The following PTPRN2 variants were observed in gnomAD, a reference collection of about 807,000 sequenced individuals.
The protein encoded by PTPRN2 is protein tyrosine phosphatase receptor type N2, also known as receptor-type tyrosine-protein phosphatase N2.
In PTPRN2, 74 loss-of-function variants were observed where a neutral mutation model predicts 118.8. The ratio of observed to expected loss-of-function variants is 0.62; its 90% CI spans 0.52 to 0.76. The LOEUF (loss-of-function observed/expected upper bound fraction) is 0.76, where lower values mean the gene tolerates loss of function less well. Ranked by LOEUF, PTPRN2 falls within the 30% of genes least tolerant of loss-of-function variation. The pLI, the probability that PTPRN2 is intolerant of heterozygous loss-of-function variation, is 0.00. For synonymous variants in PTPRN2, 641 were observed against 608.0 expected (o/e 1.05, Z -0.80); for missense variants, 1,481 against 1,394.4 (o/e 1.06, Z -0.99).
Position 157,990,015 on chromosome 7 carries a change from AG to A in PTPRN2, c.1724-91279del, listed in dbSNP as rs1441505837. On this transcript the variant is annotated intron_variant, in intron 11 of 22. Transcript: ENST00000389418. The surrounding 1 kb of genome is among the most constrained non-coding windows in gnomAD (Gnocchi z 4.3). Reference sequence around the variant, plus strand: ...TTCGTGTCCCTTCTTTGACAGTAAAAGTTGTTTTCTTGGAAATAAATCAAAT... The same window carrying A: ...TTCGTGTCCCTTCTTTGACAGTAAAATTGTTTTCTTGGAAATAAATCAAAT... 8.5e-5 allele frequency among the ~76,000 whole-genome samples: 13 copies of A among 152,232 alleles called. No individual in the cohort carries two copies. In the East Asian group the frequency reaches 2.3e-3, roughly 27 times the overall value.
intron 12 of PTPRN2, among the ~76,000 whole-genome samples, chr7:157,832,320 C>A (rs1305656906): frequency 6.6e-6 from 1 of 152,216 alleles, no homozygotes; most frequent in East Asian, 1.9e-4. Context: ...TGCGCTCACA[C>A]ATTGCCAAGT....
chr7:158,251,440 G>C (rs989665621), intron 3 of PTPRN2, among the ~76,000 whole-genome samples: 1 of 152,064 alleles, frequency 6.6e-6, no homozygotes, highest in African/African-American at 2.4e-5. Context: ...GATGTATATG[G>C]TGCATGTGGG....
chr7:157,545,177 G>A (rs562973170), intron 22 of PTPRN2, among the ~76,000 whole-genome samples: 1 of 144,444 alleles, frequency 6.9e-6, no homozygotes, highest in Non-Finnish European at 1.5e-5. Flanking sequence ...TGGCTGAGTG[G>A]TGTTTGTGGG....
At chr7:158,132,473 G>A (rs371187685) in intron 9 of PTPRN2, among the ~76,000 whole-genome samples, 11 of 145,058 alleles carry the variant, frequency 7.6e-5, no homozygotes, top group Non-Finnish European at 1.4e-4. Flanking sequence ...ACACACACTC[G>A]TATACACACA....
chr7:158,197,000 C>T (rs925590454), intron 4 of PTPRN2, among the ~76,000 whole-genome samples: 4 of 152,094 alleles, frequency 2.6e-5, no homozygotes, highest in Non-Finnish European at 5.9e-5. Flanking sequence ...CAAGGAGCAC[C>T]TGTATACGTA....
intron 11 of PTPRN2, among the ~76,000 whole-genome samples, chr7:157,993,356 T>G (rs1585158921): frequency 6.6e-6 from 1 of 150,460 alleles, no homozygotes; most frequent in South Asian, 2.1e-4. Context: ...TAAGCAGCCC[T>G]GAGCCTCCGC....
At chr7:158,331,494 ATAC>A (rs1462869462) in intron 2 of PTPRN2, among the ~76,000 whole-genome samples, 6 of 148,036 alleles carry the variant, frequency 4.1e-5, no homozygotes, top group African/African-American at 1.0e-4. Flanking sequence ...CACTCTCACC[ATAC>A]GAGCTGTCAC....
chr7:158,534,878 G>C (rs1267699136), intron 1 of PTPRN2, among the ~76,000 whole-genome samples: 3 of 152,192 alleles, frequency 2.0e-5, no homozygotes, highest in Non-Finnish European at 4.4e-5. Flanking sequence ...GGGAGGGCGG[G>C]GTGGGAAACG....
chr7:158,262,722 GCA>G (rs1207873180), intron 3 of PTPRN2, among the ~76,000 whole-genome samples: 10 of 127,602 alleles, frequency 7.8e-5, no homozygotes, highest in South Asian at 5.5e-4. Context: ...CACACATTGC[GCA>G]CACATACATT....
intron 3 of PTPRN2, among the ~76,000 whole-genome samples, chr7:158,269,154 G>A (rs1022389695): frequency 6.6e-6 from 1 of 152,148 alleles, no homozygotes; most frequent in Non-Finnish European, 1.5e-5. Flanking sequence ...CTGTTGGAGT[G>A]GCCTTCAGGG....
At position 158,089,999 on chromosome 7, in the gene PTPRN2, C is replaced by T. The variant is rs375189203; in HGVS notation, c.1644-8622G>A. Among the ~76,000 whole-genome samples the T allele has an allele frequency of 4.7e-3, 136 of 29,084 alleles. 15 individuals are homozygous for T. Among genetic ancestry groups the T allele is most frequent in the African/African-American group, 9.6e-3 (129 of 13,456 alleles). The allele number at this position is 29,084 out of a possible 152,430, so 19.1% of individuals were successfully genotyped here. A position where few individuals can be genotyped will look rare whatever the true frequency, so the allele number is the denominator to read the frequency against. On this transcript the variant is annotated intron_variant, in intron 10 of 22. Transcript: ENST00000389418. The stretch of plus-strand genomic sequence containing the variant: ...TTCACACAAACCCTTCCTCCCCTGA[C>T]GAAAGAGGGAGTCTTCACACAAACC...
At chr7:157,879,385 A>G (rs1278556280) in intron 12 of PTPRN2, among the ~76,000 whole-genome samples, 8 of 152,036 alleles carry the variant, frequency 5.3e-5, no homozygotes, top group Non-Finnish European at 7.4e-5. Context: ...GCATGTGCAC[A>G]CACACACACT....
intron 12 of PTPRN2, among the ~76,000 whole-genome samples, chr7:157,765,999 ACCATCCATCCTTCCTTCATCCAC>A (rs1328610465): frequency 7.3e-6 from 1 of 136,550 alleles, no homozygotes; most frequent in African/African-American, 2.8e-5. Context: ...CATCCATCCA[ACCATCCATCCTTCCTTCATCCAC>A]CCATCCATCC....
chr7:158,570,077 C>T lies in PTPRN2; in HGVS notation c.112+17481G>A, dbSNP rs1320848439. ...GCGTCCTCCACCCGTTTCCCCCAGGCAGGGGGAAGCCCCGAGAAGCCGCCG... is the reference window on the plus strand; with the variant it reads ...GCGTCCTCCACCCGTTTCCCCCAGGTAGGGGGAAGCCCCGAGAAGCCGCCG... On this transcript the variant is annotated intron_variant, in intron 1 of 22. Transcript: ENST00000389418. The surrounding 1 kb of genome is among the most constrained non-coding windows in gnomAD (Gnocchi z 4.5). Among the ~76,000 whole-genome samples, 1 of 152,178 alleles carries T rather than the reference C, an allele frequency of 6.6e-6. No individual in the cohort carries two copies.
chr7:158,043,522 C>T (rs756400169), intron 11 of PTPRN2, among the ~76,000 whole-genome samples: 2 of 152,120 alleles, frequency 1.3e-5, no homozygotes, highest in Non-Finnish European at 2.9e-5. Context: ...AACAAAAATA[C>T]TCACCAACAA....
intron 6 of PTPRN2, among the ~76,000 whole-genome samples, chr7:158,164,222 C>T (rs898705281): frequency 1.1e-4 from 17 of 152,060 alleles, no homozygotes; most frequent in Non-Finnish European, 2.5e-4. Flanking sequence ...AACAGGAGCG[C>T]GCAGGAAGGG....
intron 2 of PTPRN2, among the ~76,000 whole-genome samples, chr7:158,354,400 G>A (rs1025107917): frequency 6.6e-6 from 1 of 152,168 alleles, no homozygotes; most frequent in East Asian, 1.9e-4. Context: ...GTGGCGATTT[G>A]TGAGCTCTCA....
intron 2 of PTPRN2, among the ~76,000 whole-genome samples, chr7:158,420,129 A>G (rs1652756365): frequency 6.6e-6 from 1 of 152,188 alleles, no homozygotes; most frequent in Admixed American, 6.5e-5. Context: ...AACTGGGAAC[A>G]TGTTCTCCCT....
chr7:157,989,707 C>T (rs1469176506), intron 11 of PTPRN2, among the ~76,000 whole-genome samples: 1 of 152,118 alleles, frequency 6.6e-6, no homozygotes, highest in Non-Finnish European at 1.5e-5. Context: ...ACCTCACCTT[C>T]GGGTACCTGA....
Sources: allele counts gnomAD v4.1 joint callset (sites outside exome capture counted in the v4.1 genomes callset), GRCh38; gene constraint gnomAD v4.1.1; non-coding constraint Gnocchi (gnomAD v3.1); transcripts MANE v1.5; gene names NCBI Gene and HGNC (gene_info 2026-07-23, HGNC 2026-07-21).